Variants in ZMAT4 observed in about 807,000 individuals in gnomAD.
The protein encoded by ZMAT4 is zinc finger matrin-type protein 4.
Under a neutral mutation model 28.7 loss-of-function variants are expected in ZMAT4, and 17 were observed. The observed-to-expected ratio is 0.59, with a 90% confidence interval of 0.41 to 0.89. The LOEUF is 0.89. Ranked by LOEUF, ZMAT4 falls within the 40% of genes least tolerant of loss-of-function variation. ZMAT4 has a pLI of 0.00. For synonymous variants in ZMAT4, 117 were observed against 109.2 expected (o/e 1.07, Z -0.44); for missense variants, 240 against 283.8 (o/e 0.85, Z 1.11).
chr8:40,742,982 C>T (rs764655245), intron 3 of ZMAT4, among the ~76,000 whole-genome samples: 1 of 152,018 alleles, frequency 6.6e-6, no homozygotes, highest in Non-Finnish European at 1.5e-5. Flanking sequence ...GAGGCTGAGG[C>T]AAGTGGGTCA....
chr8:40,581,618 C>T (rs574060025), intron 5 of ZMAT4, among the ~76,000 whole-genome samples: 1 of 152,246 alleles, frequency 6.6e-6, no homozygotes, highest in East Asian at 1.9e-4. Flanking sequence ...ATTTGAGACT[C>T]CAGAGAAAAA....
At chr8:40,647,778 G>A (rs989934718) in intron 5 of ZMAT4, among the ~76,000 whole-genome samples, 12 of 152,140 alleles carry the variant, frequency 7.9e-5, no homozygotes, top group South Asian at 2.1e-4. Flanking sequence ...CCTGACCCCC[G>A]AGCAGCCTAA....
intron 5 of ZMAT4, among the ~76,000 whole-genome samples, chr8:40,620,856 G>A (rs1186455405): frequency 2.0e-5 from 3 of 152,142 alleles, no homozygotes; most frequent in Admixed American, 2.0e-4. Flanking sequence ...CCTTGTTGTG[G>A]CTCAAGCTCC....
At chr8:40,854,333 C>A (rs1817220403) in intron 1 of ZMAT4, among the ~76,000 whole-genome samples, 1 of 152,186 alleles carries the variant, frequency 6.6e-6, no homozygotes, top group Admixed American at 6.5e-5. Flanking sequence ...TTTATGTAGA[C>A]ACAATTTGAA....
chr8:40,708,156 A>G (rs1232857996), intron 3 of ZMAT4, among the ~76,000 whole-genome samples: 1 of 152,234 alleles, frequency 6.6e-6, no homozygotes, highest in African/African-American at 2.4e-5. Context: ...GCATCTGTGC[A>G]GGGAAATAGA....
intron 2 of ZMAT4, among the ~76,000 whole-genome samples, chr8:40,786,446 G>C (rs1157154755): frequency 1.4e-5 from 1 of 72,886 alleles, no homozygotes; most frequent in Non-Finnish European, 3.0e-5. Flanking sequence ...AGAAGTACAT[G>C]ACATTCATTC....
rs556568060 is a variant in ZMAT4 at position 40,730,385 on chromosome 8, T to C, written c.193-32984A>G. On this transcript the variant is annotated intron_variant, in intron 3 of 6. Transcript: ENST00000297737. ...TTGAAGATGAATTGATTTAAATCTA[T>C]CCCTCATTTGGAAATATGAGCATGT... 1.1e-4 allele frequency among the ~76,000 whole-genome samples: 17 copies of C among 152,340 alleles called. 1 individual carries two copies. The East Asian group carries it at 1.4e-3, about 12-fold the overall frequency.
chr8:40,802,336 T>A (rs1387523191), intron 2 of ZMAT4, among the ~76,000 whole-genome samples: 1 of 152,092 alleles, frequency 6.6e-6, no homozygotes, highest in Non-Finnish European at 1.5e-5. Context: ...TCTCAAAGAA[T>A]CAACAAAATG....
intron 1 of ZMAT4, among the ~76,000 whole-genome samples, chr8:40,834,470 G>A (rs1816404981): frequency 6.6e-6 from 1 of 152,174 alleles, no homozygotes; most frequent in East Asian, 1.9e-4. Context: ...TTCACCAAAT[G>A]GCCTCTGCTT....
At chr8:40,833,122 T>C (rs1170838515) in intron 1 of ZMAT4, among the ~76,000 whole-genome samples, 1 of 152,184 alleles carries the variant, frequency 6.6e-6, no homozygotes, top group Non-Finnish European at 1.5e-5. Context: ...TGCCTGCCAG[T>C]GCAGGAGCCT....
rs905423564 is a variant in ZMAT4, at chr8:40,554,666, T to G, written c.675-22428A>C. On this transcript the variant is annotated intron_variant, in intron 6 of 6. Transcript: ENST00000297737. Reference sequence around the variant, plus strand: ...TACTTCTCAAATACTTCTTTTCTCATTTCTAAATTTAATTGATGCATAGTA... The same window carrying G: ...TACTTCTCAAATACTTCTTTTCTCAGTTCTAAATTTAATTGATGCATAGTA... 2.6e-5 allele frequency among the ~76,000 whole-genome samples: 4 copies of G among 152,256 alleles called. No individual in the cohort carries two copies. The East Asian group carries it at 7.7e-4, about 29-fold the overall frequency.
At chr8:40,806,977 A>T (rs1815108116) in intron 2 of ZMAT4, among the ~76,000 whole-genome samples, 1 of 151,870 alleles carries the variant, frequency 6.6e-6, no homozygotes, top group Admixed American at 6.6e-5. Context: ...TTAGGATCTT[A>T]TGCTATTTGG....
chr8:40,640,275 C>T (rs1218057119), intron 5 of ZMAT4, among the ~76,000 whole-genome samples: 1 of 152,112 alleles, frequency 6.6e-6, no homozygotes, highest in Non-Finnish European at 1.5e-5. Flanking sequence ...ACAGAACTAG[C>T]CCCTTATATC....
intron 3 of ZMAT4, among the ~76,000 whole-genome samples, chr8:40,742,936 G>A (rs139417350): frequency 1.1e-4 from 17 of 152,302 alleles, no homozygotes; most frequent in Non-Finnish European, 2.4e-4. Context: ...CATTGTCCCA[G>A]CACGGTGGCT....
At chr8:40,850,102 G>T (rs537823821) in intron 1 of ZMAT4, among the ~76,000 whole-genome samples, 46 of 152,256 alleles carry the variant, frequency 3.0e-4, no homozygotes, top group African/African-American at 1.1e-3. Flanking sequence ...GTCCTAAGCT[G>T]CCACTGTCTC....
chr8:40,646,083 T>C (rs926920313), intron 5 of ZMAT4, among the ~76,000 whole-genome samples: 3 of 151,962 alleles, frequency 2.0e-5, no homozygotes, highest in African/African-American at 4.8e-5. Context: ...CATTAATATA[T>C]AGAAATCAGT....
At chr8:40,810,145 G>T (rs1815261707) in intron 2 of ZMAT4, among the ~76,000 whole-genome samples, 1 of 152,060 alleles carries the variant, frequency 6.6e-6, no homozygotes, top group African/African-American at 2.4e-5. Context: ...TAATATATAT[G>T]CATGTGTGTG....
chr8:40,700,150 C>T (rs1164056643), intron 3 of ZMAT4, among the ~76,000 whole-genome samples: 1 of 151,920 alleles, frequency 6.6e-6, no homozygotes, highest in Non-Finnish European at 1.5e-5. Context: ...AGGCTGGCAC[C>T]AGGAGAATTG....
chr8:40,830,613 C>T (rs1441444977), intron 1 of ZMAT4, among the ~76,000 whole-genome samples: 1 of 152,186 alleles, frequency 6.6e-6, no homozygotes, highest in Admixed American at 6.5e-5. Context: ...CATGACTTTG[C>T]TATTGTAAAT....
Sources: gnomAD v4.1 joint callset for allele counts (sites outside exome capture counted in the v4.1 genomes callset) on GRCh38, gnomAD v4.1.1 for gene constraint, MANE v1.5 for transcripts, NCBI Gene and HGNC (gene_info 2026-07-23, HGNC 2026-07-21) for gene names.